Variants in FSTL5 observed in about 807,000 individuals in gnomAD.
The protein encoded by FSTL5 is follistatin like 5.
A neutral mutation model predicts 89.1 loss-of-function variants in FSTL5; 62 were observed. The observed-to-expected ratio is 0.70, with a 90% CI of 0.57 to 0.86. FSTL5 has a LOEUF of 0.86. FSTL5 is among the 40% of genes least tolerant of loss of function. The pLI is 0.00. For synonymous variants in FSTL5, 383 were observed against 346.2 expected, an observed-to-expected ratio of 1.11 and a Z score of -1.18; for missense variants, 1,057 against 1,001.6, an observed-to-expected ratio of 1.06 and a Z score of -0.75.
At chr4:161,732,584 A>G (rs1333198183) in intron 6 of FSTL5, among the ~76,000 whole-genome samples, 2 of 152,048 alleles carry the variant, frequency 1.3e-5, no homozygotes, top group African/African-American at 4.8e-5. Flanking sequence ...AGGCATGCAA[A>G]ATTGTATTCT....
intron 3 of FSTL5, among the ~76,000 whole-genome samples, chr4:161,928,525 A>G (rs1030161990): frequency 6.6e-6 from 1 of 151,778 alleles, no homozygotes; most frequent in African/African-American, 2.4e-5. Flanking sequence ...TCCATTTTGC[A>G]TTCCCACCAG....
intron 15 of FSTL5, among the ~76,000 whole-genome samples, chr4:161,408,094 C>G (rs1034502111): frequency 2.0e-5 from 3 of 152,112 alleles, no homozygotes; most frequent in Non-Finnish European, 4.4e-5. Flanking sequence ...GTCCCTCCAT[C>G]CGCAGGGTTG....
In FSTL5 at chr4:161,673,332, G is replaced by T. The variant is rs189020654; in HGVS notation, c.728-16838C>A. On this transcript the variant is annotated intron_variant, in intron 6 of 15. Transcript: ENST00000306100. ...CATGTAAAAGTTTTCAAACTTTTAT[G>T]TTAATTCAATAGTTGCAGTAAGTTA... Among the ~76,000 whole-genome samples the T allele has an allele frequency of 1.5e-3, 224 of 151,976 alleles. 1 individual carries two copies. Among genetic ancestry groups the T allele is most frequent in the Middle Eastern group, 3.4e-3 (1 of 294 alleles).
At chr4:161,732,333 A>T (rs1739639708) in intron 6 of FSTL5, among the ~76,000 whole-genome samples, 4 of 151,992 alleles carry the variant, frequency 2.6e-5, no homozygotes, top group Admixed American at 1.3e-4. Flanking sequence ...CTCATTTCTA[A>T]AATGAAGTGT....
At chr4:161,497,783 T>C (rs532740850) in intron 12 of FSTL5, among the ~76,000 whole-genome samples, 1 of 152,120 alleles carries the variant, frequency 6.6e-6, no homozygotes, top group Admixed American at 6.6e-5. Flanking sequence ...GATTAGTTAT[T>C]AGTAACTAGT....
chr4:161,643,839 CTT>C (rs1411993826), intron 7 of FSTL5, among the ~76,000 whole-genome samples: 2 of 151,962 alleles, frequency 1.3e-5, no homozygotes, highest in Non-Finnish European at 2.9e-5. Flanking sequence ...AAAATAAAAT[CTT>C]CAGCAAAATT....
intron 15 of FSTL5, among the ~76,000 whole-genome samples, chr4:161,454,162 C>T (rs953065837): frequency 5.3e-5 from 8 of 152,080 alleles, no homozygotes; most frequent in South Asian, 2.1e-4. Context: ...GAAACAAATA[C>T]GCACAATAAT....
At position 161,595,400 on chromosome 4, in the gene FSTL5, T is replaced by C. The variant is rs566436503; in HGVS notation, c.895-7825A>G. Reference sequence around the variant, plus strand: ...ACTCCATAAATATTTCATCAGAGATTCAATCTTTATGAGCCTCTACACCAT... The same window carrying C: ...ACTCCATAAATATTTCATCAGAGATCCAATCTTTATGAGCCTCTACACCAT... On this transcript the variant is annotated intron_variant, in intron 7 of 15. Coordinates refer to ENST00000306100, the MANE Select transcript of FSTL5 (RefSeq NM_020116.5). Among the ~76,000 whole-genome samples the C allele has an allele frequency of 1.7e-4, 26 of 152,126 alleles. No individual in the cohort carries two copies. In the East Asian group the frequency reaches 4.8e-3, roughly 28 times the overall value.
intron 12 of FSTL5, among the ~76,000 whole-genome samples, chr4:161,493,724 C>A (rs554793998): frequency 1.3e-5 from 2 of 151,934 alleles, no homozygotes; most frequent in Non-Finnish European, 2.9e-5. Flanking sequence ...GTAAAGCGTG[C>A]GGAATGCACT....
chr4:162,144,553 A>C (rs73863208), intron 1 of FSTL5, among the ~76,000 whole-genome samples: 1,670 of 152,224 alleles, frequency 0.011, 34 homozygotes, highest in African/African-American at 0.037. Context: ...TTAATATTTT[A>C]AACAGCCTTG....
At chr4:161,515,527 T>C (rs1489339713) in intron 10 of FSTL5, among the ~76,000 whole-genome samples, 1 of 151,518 alleles carries the variant, frequency 6.6e-6, no homozygotes, top group East Asian at 1.9e-4. Flanking sequence ...ACTTTTCTGA[T>C]TTTCATATAA....
At chr4:162,050,353 A>G (rs1473666096) in intron 2 of FSTL5, among the ~76,000 whole-genome samples, 2 of 151,390 alleles carry the variant, frequency 1.3e-5, no homozygotes, top group African/African-American at 4.8e-5. Flanking sequence ...TGACAACTGA[A>G]TATTTTAAAA....
At chr4:161,523,814 T>C (rs908320076) in intron 10 of FSTL5, among the ~76,000 whole-genome samples, 2 of 152,188 alleles carry the variant, frequency 1.3e-5, no homozygotes, top group Non-Finnish European at 2.9e-5. Context: ...AAATGCCTAC[T>C]ATATGTAAAA....
At chr4:161,565,017 C>G (rs76792229) in intron 8 of FSTL5, among the ~76,000 whole-genome samples, 2 of 151,748 alleles carry the variant, frequency 1.3e-5, no homozygotes, top group Non-Finnish European at 2.9e-5. Context: ...AAAACACACT[C>G]CCAAATCACT....
chr4:161,602,238 AG>A (rs1734271484), intron 7 of FSTL5, among the ~76,000 whole-genome samples: 1 of 136,014 alleles, frequency 7.4e-6, no homozygotes. Context: ...TGAGAGAGTG[AG>A]AGAGAGGGAG....
chr4:161,866,057 G>A (rs1485639279), intron 4 of FSTL5, among the ~76,000 whole-genome samples: 2 of 152,140 alleles, frequency 1.3e-5, no homozygotes, highest in African/African-American at 4.8e-5. Flanking sequence ...GGCTACTGGA[G>A]TAAGGATTTA....
chr4:162,136,364 A>G (rs1356471725), intron 1 of FSTL5, among the ~76,000 whole-genome samples: 1 of 152,098 alleles, frequency 6.6e-6, no homozygotes, highest in Non-Finnish European at 1.5e-5. Context: ...TGAAGGATTC[A>G]CAGGGTCATG....
chr4:161,475,076 G>A (rs1047646961), intron 13 of FSTL5, among the ~76,000 whole-genome samples: 3 of 139,830 alleles, frequency 2.1e-5, no homozygotes, highest in East Asian at 2.1e-4. Context: ...TGGATCCACT[G>A]CCTTCTGGCC....
intron 3 of FSTL5, among the ~76,000 whole-genome samples, chr4:161,938,959 A>C (rs1309932486): frequency 6.6e-6 from 1 of 151,996 alleles, no homozygotes; most frequent in Non-Finnish European, 1.5e-5. Flanking sequence ...TTTAAAAATC[A>C]TATTTGTTGC....
Sources: gnomAD v4.1 joint callset for allele counts (sites outside exome capture counted in the v4.1 genomes callset) on GRCh38, gnomAD v4.1.1 for gene constraint, MANE v1.5 for transcripts, NCBI Gene and HGNC (gene_info 2026-07-23, HGNC 2026-07-21) for gene names.